TLN2: variants seen among roughly 807,000 people sequenced by gnomAD.
TLN2 encodes the protein talin 2.
Under a neutral mutation model 294.7 loss-of-function variants are expected in TLN2, and 118 were observed. That is an observed-to-expected ratio of 0.40 (90% CI 0.34 to 0.47). TLN2 has a LOEUF of 0.47. Among genes scored for constraint, TLN2 ranks in the 20% least tolerant of loss-of-function variants. The pLI, the probability that TLN2 is intolerant of heterozygous loss-of-function variation, is 0.84. For missense variants in TLN2, 3,083 were observed against 3,282.2 expected, an observed-to-expected ratio of 0.94 and a Z score of 1.48; for synonymous variants, 1,431 against 1,304.5, an observed-to-expected ratio of 1.10 and a Z score of -2.09.
intron 51 of TLN2, among the ~76,000 whole-genome samples, chr15:62,809,292 G>GA (rs1249483447): frequency 2.0e-5 from 3 of 152,148 alleles, no homozygotes; most frequent in South Asian, 2.1e-4. Context: ...GTAAGTACAA[G>GA]AAAAAAGCTC....
At chr15:62,629,446 G>A (rs7167409) in intron 3 of TLN2, among the ~76,000 whole-genome samples, 141,801 of 152,266 alleles carry the variant, frequency 0.93, 66,154 homozygotes, top group East Asian at 1. Context: ...AAGAACCCTA[G>A]GCTGAGCTTC....
intron 1 of TLN2, among the ~76,000 whole-genome samples, chr15:62,426,449 C>A (rs958660978): frequency 1.3e-5 from 2 of 152,176 alleles, no homozygotes; most frequent in Non-Finnish European, 2.9e-5. Flanking sequence ...TGGGAGGAGA[C>A]AGACGGCTGC....
chr15:62,410,771 T>C (rs560073926), intron 1 of TLN2, among the ~76,000 whole-genome samples: 81 of 152,264 alleles, frequency 5.3e-4, no homozygotes, highest in African/African-American at 1.7e-3. Context: ...AACCATCAGA[T>C]TGATGAAGAA....
intron 44 of TLN2, 30 bp downstream of exon 44, chr15:62,781,271 T>C: frequency 1.3e-6 from 2 of 1,573,292 alleles, no homozygotes; most frequent in East Asian, 2.2e-5. Flanking sequence ...CCCTCCCCAC[T>C]GTTGTTTGCC....
chr15:62,452,346 C>T (rs554385557), intron 1 of TLN2, among the ~76,000 whole-genome samples: 4 of 152,226 alleles, frequency 2.6e-5, no homozygotes, highest in South Asian at 2.1e-4. Context: ...TAGTAGATAC[C>T]TATTCCGTGA....
At chr15:62,578,872 A>G (rs1349563616) in intron 1 of TLN2, among the ~76,000 whole-genome samples, 1 of 152,154 alleles carries the variant, frequency 6.6e-6, no homozygotes, top group Non-Finnish European at 1.5e-5. Context: ...ACCTGGTGCC[A>G]GGCTTGGTGC....
chr15:62,767,146 A>G (rs1595921963), intron 41 of TLN2, among the ~76,000 whole-genome samples: 1 of 152,300 alleles, frequency 6.6e-6, no homozygotes, highest in East Asian at 1.9e-4. Context: ...ACAGTAGCCA[A>G]AATCTTCTTG....
intron 1 of TLN2, among the ~76,000 whole-genome samples, chr15:62,570,425 C>A (rs994831805): frequency 6.6e-6 from 1 of 152,240 alleles, no homozygotes; most frequent in African/African-American, 2.4e-5. Context: ...TGCCAGAAGT[C>A]ATGGCATCAA....
At chr15:62,753,635 G>A (rs1464866897) in intron 35 of TLN2, 138 bp from the exon 36 acceptor site, 9 of 971,846 alleles carry the variant, frequency 9.3e-6, no homozygotes, top group African/African-American at 3.3e-5. Context: ...ATTGGTGAGC[G>A]GGATGAGATG....
chr15:62,435,616 A>G (rs567159229), intron 1 of TLN2, among the ~76,000 whole-genome samples: 1 of 152,166 alleles, frequency 6.6e-6, no homozygotes. Context: ...ATCTTGGCTC[A>G]CTGCAACTTC....
intron 1 of TLN2, among the ~76,000 whole-genome samples, chr15:62,449,820 A>G (rs1353304972): frequency 7.2e-5 from 11 of 152,182 alleles, no homozygotes; most frequent in Non-Finnish European, 1.3e-4. Flanking sequence ...CAGAGAAAGG[A>G]CAAGAGAAAG....
rs188925183 is a variant in TLN2 at position 62,549,409 on chromosome 15, A to G, written c.-237-40278A>G. ...CTCAGCCTCCCAAAGTGTTGGGATT[A>G]CAGGTGTGAGCCACCGCCCCTGGCC... On this transcript the variant is annotated intron_variant, in intron 1 of 58. Coordinates refer to ENST00000636159, the MANE Select transcript of TLN2 (RefSeq NM_015059.3). 4.2e-3 allele frequency among the ~76,000 whole-genome samples: 634 copies of G among 152,246 alleles called. 7 individuals are homozygous for G. The highest frequency in any genetic ancestry group is 0.015 in the African/African-American group (611 of 41,538).
At chr15:62,492,172 C>T (rs893013451) in intron 1 of TLN2, among the ~76,000 whole-genome samples, 4 of 152,028 alleles carry the variant, frequency 2.6e-5, no homozygotes, top group Non-Finnish European at 4.4e-5. Flanking sequence ...TAAAAACTGG[C>T]CGGACGCGGT....
At chr15:62,406,885 G>T (rs2140246337) in intron 1 of TLN2, among the ~76,000 whole-genome samples, 1 of 152,208 alleles carries the variant, frequency 6.6e-6, no homozygotes, top group South Asian at 2.1e-4. Context: ...ATTTCAACTT[G>T]ATTCTCTCTG....
chr15:62,508,361 C>T (rs968736349), intron 1 of TLN2, among the ~76,000 whole-genome samples: 7 of 152,044 alleles, frequency 4.6e-5, no homozygotes, highest in Admixed American at 6.6e-5. Flanking sequence ...GGACTACAGG[C>T]GCGTGCCACC....
intron 48 of TLN2, among the ~76,000 whole-genome samples, chr15:62,799,451 G>A (rs893236079): frequency 3.3e-5 from 5 of 152,134 alleles, no homozygotes; most frequent in Admixed American, 2.0e-4. Context: ...CTCTAAATCC[G>A]GCACTTTGAA....
chr15:62,438,486 C>T (rs1439005985), intron 1 of TLN2, among the ~76,000 whole-genome samples: 1 of 152,178 alleles, frequency 6.6e-6, no homozygotes, highest in African/African-American at 2.4e-5. Flanking sequence ...AACCTTTAAA[C>T]ATTAAGGAGT....
At chr15:62,573,775 CTTTTTTT>C (rs58692120) in intron 1 of TLN2, among the ~76,000 whole-genome samples, 3 of 145,066 alleles carry the variant, frequency 2.1e-5, no homozygotes, top group Non-Finnish European at 4.5e-5. Flanking sequence ...CTTCCTTTTT[CTTTTTTT>C]TTTTTTTAAA....
At chr15:62,667,151 A>G (rs1480478525) in intron 9 of TLN2, among the ~76,000 whole-genome samples, 1 of 152,040 alleles carries the variant, frequency 6.6e-6, no homozygotes, top group African/African-American at 2.4e-5. Context: ...ATTTTTTAGT[A>G]GAGACGGGGT....
Sources: allele counts gnomAD v4.1 joint callset (sites outside exome capture counted in the v4.1 genomes callset), GRCh38; gene constraint gnomAD v4.1.1; transcripts MANE v1.5; gene names NCBI Gene and HGNC (gene_info 2026-07-23, HGNC 2026-07-21).